The following DLGAP2 variants were observed in gnomAD, a reference collection of about 807,000 sequenced individuals.
The protein encoded by DLGAP2 is DLG associated protein 2, also known as disks large-associated protein 2.
In DLGAP2, 26 loss-of-function variants were observed where a neutral mutation model predicts 100.3. The observed-to-expected ratio is 0.26, with a 90% CI of 0.19 to 0.36. The LOEUF is 0.36. Ranked by LOEUF, DLGAP2 falls within the 10% of genes least tolerant of loss-of-function variation. DLGAP2 has a pLI of 1.00. For missense variants in DLGAP2, 1,858 were observed against 1,453.2 expected (o/e 1.28, Z -4.53); for synonymous variants, 886 against 630.1 (o/e 1.41, Z -6.08).
intron 1 of DLGAP2, among the ~76,000 whole-genome samples, chr8:801,225 A>G (rs141010420): frequency 1.1e-3 from 170 of 152,340 alleles, no homozygotes; most frequent in African/African-American, 3.7e-3. Flanking sequence ...CCGCAAAGCA[A>G]TAATTATGAT....
chr8:1,614,380 A>C (rs572242734), intron 6 of DLGAP2, among the ~76,000 whole-genome samples: 1 of 152,356 alleles, frequency 6.6e-6, no homozygotes, highest in African/African-American at 2.4e-5. Context: ...GAGACCTCAC[A>C]GTCAGTGCTG....
chr8:1,350,300 A>C (rs71497106), intron 3 of DLGAP2, among the ~76,000 whole-genome samples: 4 of 90,736 alleles, frequency 4.4e-5, no homozygotes, highest in African/African-American at 1.1e-4. Flanking sequence ...GTGCGTGGAA[A>C]GGCCGTGCGG....
chr8:1,512,553 G>A (rs949466858), intron 4 of DLGAP2, among the ~76,000 whole-genome samples: 1 of 152,082 alleles, frequency 6.6e-6, no homozygotes, highest in Non-Finnish European at 1.5e-5. Flanking sequence ...GCACTCCCCC[G>A]AGAGAGGCCA....
intron 6 of DLGAP2, among the ~76,000 whole-genome samples, chr8:1,597,378 AG>A (rs1796491325): frequency 4.3e-5 from 3 of 70,352 alleles, no homozygotes; most frequent in African/African-American, 1.3e-4. Flanking sequence ...AATTTAAAGT[AG>A]TTTTTTTTTT....
At chr8:1,282,793 G>A (rs1266931270) in intron 3 of DLGAP2, among the ~76,000 whole-genome samples, 3 of 69,742 alleles carry the variant, frequency 4.3e-5, no homozygotes, top group Admixed American at 1.7e-4. Context: ...TGTGACCTGA[G>A]CCCAGCACGT....
intron 2 of DLGAP2, among the ~76,000 whole-genome samples, chr8:988,399 C>G (rs1800548937): frequency 6.6e-6 from 1 of 152,234 alleles, no homozygotes; most frequent in African/African-American, 2.4e-5. Flanking sequence ...AGGTAACACT[C>G]AGCCTTAAAT....
At chr8:806,323 C>T (rs950064298) in intron 1 of DLGAP2, among the ~76,000 whole-genome samples, 9 of 152,168 alleles carry the variant, frequency 5.9e-5, no homozygotes, top group Admixed American at 1.3e-4. Flanking sequence ...CTCTGGAGGG[C>T]GGCCCAGGCA....
chr8:1,139,413 G>A (rs1796482275), intron 2 of DLGAP2, among the ~76,000 whole-genome samples: 1 of 152,232 alleles, frequency 6.6e-6, no homozygotes, highest in Non-Finnish European at 1.5e-5. Context: ...GGTGCAGCAG[G>A]TGTGGAATCT....
intron 3 of DLGAP2, among the ~76,000 whole-genome samples, chr8:1,447,446 A>C (rs1389491845): frequency 6.6e-6 from 1 of 152,206 alleles, no homozygotes; most frequent in Non-Finnish European, 1.5e-5. Context: ...CCACTTGATC[A>C]TGGTGGATAA....
chr8:1,166,056 TGCCCAAGGTTATCTAAAGAG>T (rs1437235243), intron 2 of DLGAP2, among the ~76,000 whole-genome samples: 1 of 152,240 alleles, frequency 6.6e-6, no homozygotes, highest in East Asian at 1.9e-4. Context: ...GGGTGCTCTT[TGCCCAAGGTTATCTAAAGAG>T]GAGGCTCTTG....
At chr8:831,477 G>C (rs1207352297) in intron 1 of DLGAP2, among the ~76,000 whole-genome samples, 1 of 151,988 alleles carries the variant, frequency 6.6e-6, no homozygotes. Context: ...TTGGTTTTCT[G>C]TCCTTGTGAT....
intron 6 of DLGAP2, among the ~76,000 whole-genome samples, chr8:1,591,312 G>A (rs5020742): frequency 0.42 from 63,677 of 151,972 alleles, 13,472 homozygotes; most frequent in African/African-American, 0.43. Flanking sequence ...TCTTCCTAAC[G>A]CTGGCTCCAT....
At position 984,779 on chromosome 8, in the gene DLGAP2, C is replaced by G. The variant is rs77548822; in HGVS notation, c.73+76813C>G. ...ATTTAGAATTTGGGTTGCTGAGTCC[C>G]TCATAAGTGATTGGTTAGGACAATG... On this transcript the variant is annotated intron_variant, in intron 2 of 14. Transcript: ENST00000637795. 3.1e-3 allele frequency among the ~76,000 whole-genome samples: 469 copies of G among 152,246 alleles called. 5 individuals are homozygous for G. The highest frequency in any genetic ancestry group is 0.011 in the African/African-American group (450 of 41,542).
intron 3 of DLGAP2, among the ~76,000 whole-genome samples, chr8:1,422,847 A>G (rs543556960): frequency 6.6e-6 from 1 of 152,156 alleles, no homozygotes; most frequent in Non-Finnish European, 1.5e-5. Context: ...TGCTCAGGGC[A>G]GAGTTGGATG....
At chr8:1,572,377 T>G (rs2906592) in intron 6 of DLGAP2, among the ~76,000 whole-genome samples, 73,439 of 78,238 alleles carry the variant, frequency 0.94, 34,414 homozygotes, top group East Asian at 0.99. Context: ...GAACTGTGGG[T>G]TGTCTGATGA....
At chr8:1,648,186 G>A (rs908043471) in intron 8 of DLGAP2, among the ~76,000 whole-genome samples, 1 of 152,162 alleles carries the variant, frequency 6.6e-6, no homozygotes, top group Admixed American at 6.5e-5. Flanking sequence ...TCTATTGAGA[G>A]TTTGTCCTAA....
At chr8:1,700,342 C>T (rs1165379486) in intron 14 of DLGAP2, among the ~76,000 whole-genome samples, 1 of 152,208 alleles carries the variant, frequency 6.6e-6, no homozygotes, top group Non-Finnish European at 1.5e-5. Context: ...AAACAGCTGG[C>T]TACGGAGAGT....
chr8:1,495,413 C>T (rs1314421893), intron 3 of DLGAP2, among the ~76,000 whole-genome samples: 1 of 152,218 alleles, frequency 6.6e-6, no homozygotes, highest in Non-Finnish European at 1.5e-5. Flanking sequence ...TTCTCTTCCC[C>T]TTCTGCTGTG....
chr8:1,198,395 C>T (rs1337833838), intron 2 of DLGAP2, among the ~76,000 whole-genome samples: 1 of 152,182 alleles, frequency 6.6e-6, no homozygotes, highest in East Asian at 1.9e-4. Flanking sequence ...CCACAGAGAG[C>T]TGCCTGGACC....
Sources: allele counts gnomAD v4.1 joint callset (sites outside exome capture counted in the v4.1 genomes callset), GRCh38; gene constraint gnomAD v4.1.1; transcripts MANE v1.5; gene names NCBI Gene and HGNC (gene_info 2026-07-23, HGNC 2026-07-21).